PTPRD: variants seen among roughly 807,000 people sequenced by gnomAD.
PTPRD encodes receptor-type tyrosine-protein phosphatase delta.
Under a neutral mutation model 214.5 loss-of-function variants are expected in PTPRD, and 34 were observed. The ratio of observed to expected loss-of-function variants is 0.16; its 90% CI spans 0.12 to 0.21. The LOEUF is 0.21. Ranked by LOEUF, PTPRD falls within the 10% of genes least tolerant of loss-of-function variation. PTPRD has a pLI of 1.00. For missense variants in PTPRD, 2,545 were observed against 2,398.7 expected (o/e 1.06, Z -1.27); for synonymous variants, 1,128 against 845.7 (o/e 1.33, Z -5.79).
At chr9:9,991,448 G>A (rs868823688) in intron 4 of PTPRD, among the ~76,000 whole-genome samples, 5 of 151,048 alleles carry the variant, frequency 3.3e-5, no homozygotes, top group Non-Finnish European at 7.4e-5. Flanking sequence ...TGCAACCACC[G>A]CCTCCCAGGT....
At chr9:9,586,682 G>A (rs535706906) in intron 7 of PTPRD, among the ~76,000 whole-genome samples, 1 of 151,978 alleles carries the variant, frequency 6.6e-6, no homozygotes, top group South Asian at 2.1e-4. Context: ...TAAATAGGTT[G>A]GACATTGATA....
chr9:9,731,774 A>G (rs899713256), intron 7 of PTPRD, among the ~76,000 whole-genome samples: 23 of 152,296 alleles, frequency 1.5e-4, no homozygotes, highest in African/African-American at 5.5e-4. Flanking sequence ...ACACTTGGAC[A>G]CAGTAAGGTT....
intron 11 of PTPRD, among the ~76,000 whole-genome samples, chr9:8,923,845 G>A (rs897508083): frequency 6.6e-6 from 1 of 152,168 alleles, no homozygotes; most frequent in Non-Finnish European, 1.5e-5. Context: ...AAACAATGCA[G>A]TGAGTCATAT....
intron 4 of PTPRD, among the ~76,000 whole-genome samples, chr9:10,019,492 G>T (rs1385642447): frequency 6.6e-6 from 1 of 152,036 alleles, no homozygotes. Context: ...GTTTATTGTG[G>T]CACTATTCAC....
At chr9:9,603,647 G>C (rs1163833583) in intron 7 of PTPRD, among the ~76,000 whole-genome samples, 1 of 151,962 alleles carries the variant, frequency 6.6e-6, no homozygotes, top group Non-Finnish European at 1.5e-5. Flanking sequence ...AGGGATCTGA[G>C]TTTGGAGCTC....
At chr9:8,873,447 C>T (rs910339034) in intron 11 of PTPRD, among the ~76,000 whole-genome samples, 2 of 152,116 alleles carry the variant, frequency 1.3e-5, no homozygotes, top group African/African-American at 4.8e-5. Flanking sequence ...GATTGATTTC[C>T]CGTATACCCC....
At chr9:8,702,095 TC>T (rs1161753200) in intron 12 of PTPRD, among the ~76,000 whole-genome samples, 2 of 152,198 alleles carry the variant, frequency 1.3e-5, no homozygotes, top group African/African-American at 4.8e-5. Flanking sequence ...TAGTTTGCTC[TC>T]CTACTTTTTG....
rs114451750 is a variant in PTPRD, at chr9:8,600,552, C to T, written c.352+32765G>A. 3.7e-3 allele frequency among the ~76,000 whole-genome samples: 557 copies of T among 151,826 alleles called. 9 individuals are homozygous for T. Among genetic ancestry groups the T allele is most frequent in the African/African-American group, 0.013 (541 of 41,378 alleles). On this transcript the variant is annotated intron_variant, in intron 14 of 45. Transcript: ENST00000381196. ...GAGGAAAGAGTAAAGAGGACTCTGT[C>T]TTGCATCTTGGATGCCCACACAGCC...
intron 36 of PTPRD, among the ~76,000 whole-genome samples, chr9:8,397,579 C>T (rs7873894): frequency 0.027 from 4,169 of 152,098 alleles, 187 homozygotes; most frequent in African/African-American, 0.096. Context: ...TTGGAGAATA[C>T]GTTAGCATGT....
At chr9:9,340,644 G>A (rs554318724) in intron 9 of PTPRD, among the ~76,000 whole-genome samples, 1 of 152,148 alleles carries the variant, frequency 6.6e-6, no homozygotes, top group Non-Finnish European at 1.5e-5. Flanking sequence ...TAGAACTAAA[G>A]AGCTATGAAT....
intron 11 of PTPRD, among the ~76,000 whole-genome samples, chr9:8,931,314 G>A (rs926783243): frequency 1.1e-4 from 17 of 151,816 alleles, no homozygotes; most frequent in Non-Finnish European, 2.1e-4. Context: ...CTGTTCCATT[G>A]GTCTATATCT....
intron 14 of PTPRD, among the ~76,000 whole-genome samples, chr9:8,561,918 T>C (rs545484752): frequency 1.3e-5 from 2 of 152,186 alleles, no homozygotes; most frequent in South Asian, 4.1e-4. Context: ...TTAAATGCCA[T>C]CCATCTTGAA....
chr9:9,856,615 TAA>T (rs5896354), intron 5 of PTPRD, among the ~76,000 whole-genome samples: 19,807 of 149,182 alleles, frequency 0.13, 1,659 homozygotes, highest in Non-Finnish European at 0.19. Flanking sequence ...AATGAATTGT[TAA>T]AAAAAAAGAA....
At chr9:9,919,169 T>C (rs1234513667) in intron 5 of PTPRD, among the ~76,000 whole-genome samples, 2 of 152,158 alleles carry the variant, frequency 1.3e-5, no homozygotes, top group African/African-American at 2.4e-5. Flanking sequence ...AGGGTGTTTT[T>C]GCTCCTAATT....
chr9:10,465,305 G>A (rs1001840434), intron 2 of PTPRD, among the ~76,000 whole-genome samples: 7 of 152,066 alleles, frequency 4.6e-5, no homozygotes, highest in African/African-American at 1.7e-4. Context: ...CCGCAACAAA[G>A]TTCTTTTAGA....
chr9:9,206,101 C>T (rs1263478740), intron 9 of PTPRD, among the ~76,000 whole-genome samples: 1 of 152,084 alleles, frequency 6.6e-6, no homozygotes, highest in East Asian at 1.9e-4. Context: ...GCTTTTAGAG[C>T]ATTCTAGAGG....
chr9:8,642,903 G>A (rs569324794), intron 12 of PTPRD, among the ~76,000 whole-genome samples: 1 of 152,154 alleles, frequency 6.6e-6, no homozygotes, highest in East Asian at 1.9e-4. Flanking sequence ...CGAAAGGGAG[G>A]GAGGTCCCAA....
At position 10,224,454 on chromosome 9, in the gene PTPRD, T is replaced by A. The variant is rs760717540; in HGVS notation, c.-545+116509A>T. On this transcript the variant is annotated intron_variant, in intron 3 of 45. Coordinates refer to ENST00000381196, the MANE Select transcript of PTPRD (RefSeq NM_002839.4). ...TACATGTGCCATCTCTATTCTTAAA[T>A]GGTAGAAAAAATGTTAATTTTTAAA... Among the ~76,000 whole-genome samples, 5 of 152,138 alleles carry A rather than the reference T, an allele frequency of 3.3e-5. No homozygotes were observed. In the East Asian group the frequency reaches 9.7e-4, roughly 30 times the overall value.
chr9:8,450,185 G>C (rs1239987346), intron 33 of PTPRD, among the ~76,000 whole-genome samples: 1 of 152,110 alleles, frequency 6.6e-6, no homozygotes, highest in Non-Finnish European at 1.5e-5. Flanking sequence ...TGAGGAACAG[G>C]ATAGGATACC....
Sources: gnomAD v4.1 joint callset for allele counts (sites outside exome capture counted in the v4.1 genomes callset) on GRCh38, gnomAD v4.1.1 for gene constraint, MANE v1.5 for transcripts, NCBI Gene and HGNC (gene_info 2026-07-23, HGNC 2026-07-21) for gene names.